The following TTC7B variants were observed in gnomAD, a reference collection of about 807,000 sequenced individuals.
The protein encoded by TTC7B is tetratricopeptide repeat domain 7B, also known as tetratricopeptide repeat protein 7B.
Under a neutral mutation model 106.8 loss-of-function variants are expected in TTC7B, and 28 were observed. The ratio of observed to expected loss-of-function variants is 0.26; its 90% CI spans 0.19 to 0.36. TTC7B has a LOEUF of 0.36. TTC7B is among the 10% of genes least tolerant of loss of function. The pLI is 1.00. For synonymous variants in TTC7B, 405 were observed against 430.6 expected (o/e 0.94, Z 0.74); for missense variants, 862 against 1,076.4 (o/e 0.80, Z 2.79).
intron 3 of TTC7B, among the ~76,000 whole-genome samples, chr14:90,778,332 T>C (rs1891100854): frequency 6.6e-6 from 1 of 152,098 alleles, no homozygotes; most frequent in Admixed American, 6.5e-5. Context: ...GGGGCCCAAG[T>C]TGCCTGTCCT....
intron 9 of TTC7B, among the ~76,000 whole-genome samples, chr14:90,661,411 C>T (rs922480989): frequency 1.3e-5 from 2 of 152,120 alleles, no homozygotes; most frequent in Non-Finnish European, 2.9e-5. Context: ...GTAGGCAAGA[C>T]AGGGTGGCGG....
In TTC7B at chr14:90,578,188, C is replaced by T. The variant is rs201874679; in HGVS notation, c.2228G>A (p.Arg743Gln). 1.1e-5 allele frequency: 18 copies of T among 1,614,060 alleles called. No individual in the cohort carries two copies. The highest frequency in any genetic ancestry group is 5.0e-5 in the Admixed American group (3 of 60,008). The change falls in exon 19 of 20, where the codon CGG becomes CAG. Residue 743 changes from arginine (R) to glutamine (Q), a missense_variant. Coordinates refer to ENST00000328459, the MANE Select transcript of TTC7B (RefSeq NM_001010854.2). This position sits in a 1 kb window ranked among gnomAD's most constrained non-coding sequence, Gnocchi z 4.7. ...LYMRGQIAEL[R>Q]GSMDEARRWY... ...CCGCCGCGCCTCGTCCATGCTTCCC[C>T]GGAGCTCAGCAATCTGGCCGCGCAT...
chr14:90,804,206 C>T (rs1286320), intron 1 of TTC7B, among the ~76,000 whole-genome samples: 93,058 of 151,652 alleles, frequency 0.61, 30,075 homozygotes, highest in Middle Eastern at 0.73. Flanking sequence ...GTGGTGGGGG[C>T]GCCTGTAGTC....
intron 17 of TTC7B, among the ~76,000 whole-genome samples, chr14:90,597,018 A>C (rs766455845): frequency 2.0e-5 from 3 of 152,230 alleles, no homozygotes; most frequent in Non-Finnish European, 4.4e-5. Context: ...CAGACTAAAA[A>C]TGACAGTGGT....
rs1245674380 is a variant in TTC7B at position 90,796,725 on chromosome 14, T to C, written c.122-10397A>G. 1.5e-3 allele frequency among the ~76,000 whole-genome samples: 227 copies of C among 152,268 alleles called. 4 individuals carry two copies. Among genetic ancestry groups the C allele is most frequent in the Non-Finnish European group, 3.2e-4 (22 of 68,012 alleles). On this transcript the variant is annotated intron_variant, in intron 1 of 19. Coordinates refer to ENST00000328459, the MANE Select transcript of TTC7B (RefSeq NM_001010854.2). Reference sequence around the variant, plus strand: ...TCAATAGAGAAGTATTTAGATCTATTCAAACCATTCCTGCTGCAGCTGGCA... The same window carrying C: ...TCAATAGAGAAGTATTTAGATCTATCCAAACCATTCCTGCTGCAGCTGGCA...
chr14:90,679,244 A>C (rs1364676706), intron 8 of TTC7B, among the ~76,000 whole-genome samples: 1 of 152,238 alleles, frequency 6.6e-6, no homozygotes, highest in Admixed American at 6.5e-5. Context: ...ACTCAAGCAG[A>C]CTTGCTCTTG....
chr14:90,549,172 A>G (rs1889967709), intron 19 of TTC7B, among the ~76,000 whole-genome samples: 1 of 151,390 alleles, frequency 6.6e-6, no homozygotes. Flanking sequence ...CAAGTCAGCC[A>G]CCGCTCATTG....
In TTC7B at chr14:90,802,683, C is replaced by T. The variant is rs1001993853; in HGVS notation, c.121+13492G>A. ...TACTGAAGAGCGGCGGTGCTCCTCC[C>T]GGTCTTTGGTCACCATTTGCAAGTA... On this transcript the variant is annotated intron_variant, in intron 1 of 19. Coordinates refer to ENST00000328459, the MANE Select transcript of TTC7B (RefSeq NM_001010854.2). The surrounding 1 kb of genome is among the most constrained non-coding windows in gnomAD (Gnocchi z 4.7). Among the ~76,000 whole-genome samples the T allele has an allele frequency of 1.3e-5, 2 of 152,090 alleles. No individual in the cohort carries two copies. The highest frequency in any genetic ancestry group is 6.5e-5 in the Admixed American group (1 of 15,294).
intron 9 of TTC7B, among the ~76,000 whole-genome samples, chr14:90,667,905 GA>G (rs1886473781): frequency 2.0e-5 from 3 of 152,178 alleles, no homozygotes; most frequent in Non-Finnish European, 4.4e-5. Context: ...CTTCAGGATA[GA>G]TCACCAGCTG....
chr14:90,767,509 G>A (rs1413148444), intron 3 of TTC7B, among the ~76,000 whole-genome samples: 2 of 152,198 alleles, frequency 1.3e-5, no homozygotes, highest in African/African-American at 4.8e-5. Context: ...TTCATTATAA[G>A]AGAGGAAGTC....
At chr14:90,559,716 G>T (rs1401767497) in intron 19 of TTC7B, among the ~76,000 whole-genome samples, 4 of 152,244 alleles carry the variant, frequency 2.6e-5, no homozygotes, top group Non-Finnish European at 4.4e-5. Context: ...AGGCACAGAA[G>T]ACTAACAGCT....
At chr14:90,596,931 C>T (rs1220289621) in intron 17 of TTC7B, among the ~76,000 whole-genome samples, 2 of 152,162 alleles carry the variant, frequency 1.3e-5, no homozygotes, top group African/African-American at 4.8e-5. Context: ...CTCTTCCCCT[C>T]TAACAACAGC....
chr14:90,647,022 C>A lies in TTC7B; in HGVS notation c.1519G>T (p.Ala507Ser), dbSNP rs1468768159. 1 of 1,613,952 alleles carries A rather than the reference C, an allele frequency of 6.2e-7. No homozygotes were observed. The highest frequency in any genetic ancestry group is 8.5e-7 in the Non-Finnish European group (1 of 1,179,980). The part of the protein sequence containing the change: ...QRKALLAFQR[A>S]HSLSPTDHQA... The stretch of plus-strand genomic sequence containing the variant: ...TGATCTGTGGGTGACAGGCTGTGGG[C>A]CCTGAAAAAGTATTTACGGCTATTA... Residue 507 changes from alanine (A) to serine (S), a missense_variant and splice_region_variant, in exon 14 of 20, where the codon GCC (alanine) becomes TCC (serine). By Grantham distance (99) the Ala-to-Ser change is moderately conservative (BLOSUM62 1). Coordinates refer to ENST00000328459, the MANE Select transcript of TTC7B (RefSeq NM_001010854.2).
intron 19 of TTC7B, among the ~76,000 whole-genome samples, chr14:90,560,069 C>A (rs375419321): frequency 4.6e-5 from 7 of 152,356 alleles, no homozygotes; most frequent in African/African-American, 1.2e-4. Flanking sequence ...CGGGTTAGGG[C>A]CATTTGGCAC....
intron 1 of TTC7B, among the ~76,000 whole-genome samples, chr14:90,806,001 AAG>A (rs761776886): frequency 2.0e-5 from 3 of 152,258 alleles, no homozygotes; most frequent in Non-Finnish European, 2.9e-5. Flanking sequence ...GAAAAAACTT[AAG>A]AGTTTCTTCT....
intron 5 of TTC7B, among the ~76,000 whole-genome samples, chr14:90,721,615 C>T (rs956843385): frequency 2.0e-5 from 3 of 152,030 alleles, no homozygotes; most frequent in African/African-American, 4.8e-5. Context: ...TATTGCTATG[C>T]TGCTCCTGAC....
chr14:90,627,881 G>A (rs768732301), intron 15 of TTC7B, among the ~76,000 whole-genome samples: 112 of 152,272 alleles, frequency 7.4e-4, no homozygotes, highest in Non-Finnish European at 1.2e-4. Flanking sequence ...TCCAGGAGCC[G>A]GCACCTAAGC....
At chr14:90,789,499 G>A (rs949096629) in intron 1 of TTC7B, among the ~76,000 whole-genome samples, 2 of 152,072 alleles carry the variant, frequency 1.3e-5, no homozygotes, top group African/African-American at 2.4e-5. Flanking sequence ...TAGACAGGTG[G>A]ATCACTTGAG....
At chr14:90,804,977 G>GGGA (rs1371231280) in intron 1 of TTC7B, among the ~76,000 whole-genome samples, 1 of 152,222 alleles carries the variant, frequency 6.6e-6, no homozygotes, top group Non-Finnish European at 1.5e-5. Context: ...GCCACAGGGA[G>GGGA]GGAAGGTCAT....
Sources: allele counts gnomAD v4.1 joint callset (sites outside exome capture counted in the v4.1 genomes callset), GRCh38; gene constraint gnomAD v4.1.1; non-coding constraint Gnocchi (gnomAD v3.1); transcripts MANE v1.5; gene names NCBI Gene and HGNC (gene_info 2026-07-23, HGNC 2026-07-21).